BMP5: variants seen among roughly 807,000 people sequenced by gnomAD.
BMP5 encodes bone morphogenetic protein 5.
BMP5 carries 23 observed loss-of-function variants against 46.6 expected under a neutral mutation model. The ratio of observed to expected loss-of-function variants is 0.49; its 90% CI spans 0.35 to 0.70. BMP5 has a LOEUF of 0.70. BMP5 is among the 30% of genes least tolerant of loss of function. The pLI, the probability that BMP5 is intolerant of heterozygous loss-of-function variation, is 0.00. For synonymous variants in BMP5, 204 were observed against 191.9 expected, an observed-to-expected ratio of 1.06 and a Z score of -0.52; for missense variants, 545 against 565.6, an observed-to-expected ratio of 0.96 and a Z score of 0.37.
chr6:55,825,220 G>A (rs1776501501), intron 1 of BMP5, among the ~76,000 whole-genome samples: 2 of 151,946 alleles, frequency 1.3e-5, no homozygotes, highest in African/African-American at 4.8e-5. Context: ...ACACAACAAT[G>A]ATGGTAAACA....
At chr6:55,817,104 A>C (rs898103279) in intron 2 of BMP5, among the ~76,000 whole-genome samples, 12 of 152,034 alleles carry the variant, frequency 7.9e-5, no homozygotes, top group Non-Finnish European at 1.3e-4. Flanking sequence ...GAAACAACAG[A>C]TGCTGGAGAG....
chr6:55,799,725 T>C (rs1325492925), intron 2 of BMP5, among the ~76,000 whole-genome samples: 1 of 152,214 alleles, frequency 6.6e-6, no homozygotes, highest in East Asian at 1.9e-4. Context: ...TTCTGAACCA[T>C]CTCTGCTCCC....
rs1008254939 is a variant in BMP5 at position 55,794,130 on chromosome 6, T to A, written c.832+149A>T. 1.8e-5 allele frequency: 14 copies of A among 787,430 alleles called. No homozygotes were observed. In the African/African-American group the frequency reaches 2.1e-4, roughly 12 times the overall value. The allele number at this position is 787,430 out of a possible 1,614,324, so 48.8% of individuals were successfully genotyped here. ...ATAAATGTGTTCTGAATTGATTAAC[T>A]AACTAATATAGTTTTGCACTACCCT... On this transcript the variant is annotated intron_variant, in intron 3 of 6. Transcript: ENST00000370830.
intron 3 of BMP5, among the ~76,000 whole-genome samples, chr6:55,776,226 G>A (rs1404874468): frequency 5.3e-5 from 8 of 151,900 alleles, no homozygotes; most frequent in African/African-American, 9.7e-5. Flanking sequence ...TTTGTGGTCC[G>A]AGCAGTTTCC....
At position 55,764,220 on chromosome 6, in the gene BMP5, G is replaced by A. The variant is rs552262457; in HGVS notation, c.1028-3687C>T. 9.2e-5 allele frequency among the ~76,000 whole-genome samples: 14 copies of A among 152,276 alleles called. No homozygotes were observed. The South Asian group carries it at 2.7e-3, about 29-fold the overall frequency. On this transcript the variant is annotated intron_variant, in intron 4 of 6. Coordinates refer to ENST00000370830, the MANE Select transcript of BMP5 (RefSeq NM_021073.4). ...AGAAGCAACATAAGTGTCCATCAGT[G>A]TATGAATGGATAAAGAAAATGTGGT...
Position 55,819,740 on chromosome 6 carries a change from T to A in BMP5, c.598A>T (p.Ile200Leu), listed in dbSNP as rs1345137791. The change falls in exon 2 of 7, where the codon ATA (isoleucine) becomes TTA (leucine). Residue 200 changes from isoleucine to leucine, a missense_variant. Transcript: ENST00000370830. ...GEAVTAAEFR[I>L]YKDRSNNRFE... is the part of the protein sequence containing the mutation. ...CGGTTGTTGCTCCGGTCCTTGTATA[T>A]CCGGAATTCAGCTGCTGTCACTGCC... 1.9e-6 allele frequency: 3 copies of A among 1,613,682 alleles called. No individual in the cohort carries two copies. Among genetic ancestry groups the A allele is most frequent in the Non-Finnish European group, 2.5e-6 (3 of 1,179,706 alleles).
chr6:55,873,671 A>T (rs1777835630), intron 1 of BMP5, among the ~76,000 whole-genome samples: 1 of 152,028 alleles, frequency 6.6e-6, no homozygotes, highest in Non-Finnish European at 1.5e-5. Flanking sequence ...CAAATATTTT[A>T]TCTCATATAG....
Position 55,794,379 on chromosome 6 carries a change from A to C in BMP5, c.732T>G (p.Asp244Glu). Reference sequence around the variant, plus strand: ...TGATATCAAAGACAAGCCAACCCACATCTAAAGCTTGGGCCTTTCTTGTGT... The same window carrying C: ...TGATATCAAAGACAAGCCAACCCACCTCTAAAGCTTGGGCCTTTCTTGTGT... ...LLDTRKAQAL[D>E]VGWLVFDITV... The change falls in exon 3 of 7, where the codon GAT (aspartate) becomes GAG (glutamate). Residue 244 changes from aspartate to glutamate, a missense_variant. Transcript: ENST00000370830. 6.2e-7 allele frequency: 1 copy of C among 1,614,040 alleles called. No homozygotes were observed.
At chr6:55,846,356 T>G (rs1045360217) in intron 1 of BMP5, among the ~76,000 whole-genome samples, 1 of 151,994 alleles carries the variant, frequency 6.6e-6, no homozygotes, top group African/African-American at 2.4e-5. Context: ...TTATTTGGTG[T>G]TATTGAAGAC....
chr6:55,837,907 G>A (rs973179982), intron 1 of BMP5, among the ~76,000 whole-genome samples: 11 of 152,124 alleles, frequency 7.2e-5, no homozygotes, highest in African/African-American at 1.2e-4. Flanking sequence ...GAGAACATGC[G>A]TTGCTTGTCT....
chr6:55,754,735 A>G lies in BMP5; in HGVS notation c.*798T>C, dbSNP rs970408371. 6.6e-6 allele frequency: 1 copy of G among 151,972 alleles called. No homozygotes were observed. Among genetic ancestry groups the G allele is most frequent in the Non-Finnish European group, 1.5e-5 (1 of 67,908 alleles). The allele number at this position is 151,972 out of a possible 1,614,324, so 9.4% of individuals were successfully genotyped here. ...CTAGGTTTTTAAATCTGAAAAAAAA[A>G]TTCTGCAGCAGTAGTGTTCTAGATA... On this transcript the variant is annotated 3_prime_UTR_variant, in exon 7 of 7. Coordinates refer to ENST00000370830, the MANE Select transcript of BMP5 (RefSeq NM_021073.4).
At chr6:55,813,970 A>G (rs999126965) in intron 2 of BMP5, among the ~76,000 whole-genome samples, 2 of 152,180 alleles carry the variant, frequency 1.3e-5, no homozygotes, top group African/African-American at 4.8e-5. Flanking sequence ...AGATAAATTC[A>G]TAAATAAGAG....
At chr6:55,843,061 T>A (rs1387266221) in intron 1 of BMP5, among the ~76,000 whole-genome samples, 1 of 152,120 alleles carries the variant, frequency 6.6e-6, no homozygotes, top group Non-Finnish European at 1.5e-5. Context: ...CAGATTCTTA[T>A]GAAAACTTTA....
At chr6:55,851,525 A>C (rs1474482127) in intron 1 of BMP5, among the ~76,000 whole-genome samples, 1 of 152,162 alleles carries the variant, frequency 6.6e-6, no homozygotes, top group Non-Finnish European at 1.5e-5. Flanking sequence ...CTTCCACCCC[A>C]GGGAATATTA....
At chr6:55,783,572 T>A (rs1775377190) in intron 3 of BMP5, among the ~76,000 whole-genome samples, 1 of 151,926 alleles carries the variant, frequency 6.6e-6, no homozygotes, top group Non-Finnish European at 1.5e-5. Context: ...AATATATCTT[T>A]GAGAGATATG....
intron 1 of BMP5, among the ~76,000 whole-genome samples, chr6:55,865,805 T>C (rs564814692): frequency 6.6e-6 from 1 of 152,292 alleles, no homozygotes; most frequent in Admixed American, 6.5e-5. Flanking sequence ...CCTTACATTA[T>C]ACAGTCTTAA....
At position 55,819,788 on chromosome 6, in the gene BMP5, G is replaced by A. The variant is rs1776365162; in HGVS notation, c.550C>T (p.Leu184Phe). The A allele has an allele frequency of 5.0e-6, 8 of 1,613,662 alleles. No individual in the cohort carries two copies. The African/African-American group carries it at 1.1e-4, about 22-fold the overall frequency. The change falls in exon 2 of 7, where the codon CTT (leucine) becomes TTT (phenylalanine). Residue 184 changes from leucine to phenylalanine, a missense_variant. Transcript: ENST00000370830. The part of the protein sequence containing the change: ...RRHYKEFRFD[L>F]TQIPHGEAVT... The stretch of plus-strand genomic sequence containing the variant: ...GCCTCTCCATGAGGAATTTGGGTAA[G>A]ATCAAATCGAAATTCTTTGTAATGC...
At chr6:55,788,233 T>C (rs905961285) in intron 3 of BMP5, among the ~76,000 whole-genome samples, 41 of 151,732 alleles carry the variant, frequency 2.7e-4, no homozygotes, top group African/African-American at 9.4e-4. Context: ...ACGAAAAGCT[T>C]GTTTCCCTTA....
intron 4 of BMP5, among the ~76,000 whole-genome samples, chr6:55,766,331 A>G (rs563761712): frequency 1.6e-4 from 24 of 151,984 alleles, no homozygotes; most frequent in African/African-American, 5.8e-4. Context: ...AGGAGGCTCC[A>G]TCTTATATTT....
Sources: gnomAD v4.1 joint callset for allele counts (sites outside exome capture counted in the v4.1 genomes callset) on GRCh38, gnomAD v4.1.1 for gene constraint, MANE v1.5 for transcripts, NCBI Gene and HGNC (gene_info 2026-07-23, HGNC 2026-07-21) for gene names.